Variants in APEX1 observed in about 807,000 individuals in gnomAD.
APEX1 encodes DNA repair nuclease/redox regulator APEX1.
In APEX1, 32 loss-of-function variants were observed where a neutral mutation model predicts 33.2. That is an observed-to-expected ratio of 0.96 (90% CI 0.73 to 1.29). The LOEUF is 1.29. Among genes scored for constraint, APEX1 ranks in the 50% most tolerant of loss-of-function variants. The probability of loss-of-function intolerance (pLI) is 0.00; values close to 1 mark genes in which losing one functional copy is unlikely to be tolerated. For missense variants in APEX1, 442 were observed against 395.6 expected, an observed-to-expected ratio of 1.12 and a Z score of -0.99; for synonymous variants, 175 against 156.6, an observed-to-expected ratio of 1.12 and a Z score of -0.88.
At position 20,455,979 on chromosome 14, in the gene APEX1, C is replaced by T. The variant is rs1322078170; in HGVS notation, c.124C>T (p.Pro42Ser). The change falls in exon 3 of 5, where the codon CCA (proline) becomes TCA (serine). Residue 42 changes from proline (P) to serine (S), a missense_variant. Physicochemically the swap from Pro to Ser is moderately conservative, Grantham distance 74 (BLOSUM62 -1). Transcript: ENST00000216714. ...TGACAAAGAGGCAGCAGGAGAGGGC[C>T]CAGCCCTGTATGAGGACCCCCCAGA... is the stretch of plus-strand genomic sequence containing the variant. The part of the protein sequence containing the change: ...KNDKEAAGEG[P>S]ALYEDPPDQK... The T allele has an allele frequency of 1.9e-6, 3 of 1,613,986 alleles. No individual in the cohort carries two copies. The highest frequency in any genetic ancestry group is 1.3e-5 in the African/African-American group (1 of 74,862).
rs1447700473 is a variant in APEX1, at chr14:20,455,940, G to C, written c.85G>C (p.Ala29Pro). 1.9e-6 allele frequency: 3 copies of C among 1,614,118 alleles called. No individual in the cohort carries two copies. Among genetic ancestry groups the C allele is most frequent in the Non-Finnish European group, 2.5e-6 (3 of 1,180,028 alleles). The change falls in exon 3 of 5, where the codon GCC (alanine) becomes CCC (proline). Residue 29 changes from alanine (A) to proline (P), a missense_variant. By Grantham distance (27) the Ala-to-Pro change is conservative (BLOSUM62 -1). Coordinates refer to ENST00000216714, the MANE Select transcript of APEX1 (RefSeq NM_001641.4). ...TEPEAKKSKT[A>P]AKKNDKEAAG... ...GCCAGAGGCCAAGAAGAGTAAGACGGCCGCAAAGAAAAATGACAAAGAGGC... is the reference window on the plus strand; with the variant it reads ...GCCAGAGGCCAAGAAGAGTAAGACGCCCGCAAAGAAAAATGACAAAGAGGC...
At position 20,456,792 on chromosome 14, in the gene APEX1, A is replaced by C; in HGVS notation, c.371A>C (p.Asp124Ala). ...CATCAATACTGGTCAGCTCCTTCGG[A>C]CAAGGAAGGGTACAGTGGCGTGGGC... ...LSHQYWSAPS[D>A]KEGYSGVGLL... Residue 124 changes from aspartate (D) to alanine (A), a missense_variant, in exon 4 of 5, where the codon GAC becomes GCC. Asp to Ala is a moderately radical substitution (Grantham distance 126). Coordinates refer to ENST00000216714, the MANE Select transcript of APEX1 (RefSeq NM_001641.4). 6.2e-7 allele frequency: 1 copy of C among 1,614,224 alleles called. No individual in the cohort carries two copies. Among genetic ancestry groups the C allele is most frequent in the Non-Finnish European group, 8.5e-7 (1 of 1,180,034 alleles).
intron 3 of APEX1, 152 bp from the exon 4 acceptor site, chr14:20,456,516 T>G (rs1594414142): frequency 1.6e-5 from 12 of 763,050 alleles, no homozygotes; most frequent in Middle Eastern, 3.6e-4. Flanking sequence ...TTTATCTAGC[T>G]TAGAATTGTT....
chr14:20,456,888 G>T, intron 4 of APEX1, 28 bp downstream of exon 4: 1 of 1,609,898 alleles, frequency 6.2e-7, no homozygotes, highest in African/African-American at 1.3e-5. Context: ...CCTAATGCCT[G>T]AACTCTTCAA....
chr14:20,455,569 C>G lies in APEX1; in HGVS notation c.-68-9C>G. 1 of 1,609,982 alleles carries G rather than the reference C, an allele frequency of 6.2e-7. No homozygotes were observed. The highest frequency in any genetic ancestry group is 8.5e-7 in the Non-Finnish European group (1 of 1,178,430). On this transcript the variant is annotated splice_polypyrimidine_tract_variant and intron_variant, in intron 1 of 4. Transcript: ENST00000216714. ...CTTAGCTGGTTTCATGATTTCTTTG[C>G]GTCTGTAGGCAACGCGGTAAAAATA...
rs374264849 is a variant in APEX1, at chr14:20,456,827, C to T, written c.406C>T (p.Arg136Cys). ...GTACAGTGGCGTGGGCCTGCTTTCC[C>T]GCCAGTGCCCACTCAAAGTTTCTTA... is the stretch of plus-strand genomic sequence containing the variant. ...EGYSGVGLLS[R>C]QCPLKVSYGI... Residue 136 changes from arginine to cysteine, a missense_variant, in exon 4 of 5, where the codon CGC becomes TGC. Arg to Cys is a radical substitution (Grantham distance 180, BLOSUM62 -3). Coordinates refer to ENST00000216714, the MANE Select transcript of APEX1 (RefSeq NM_001641.4). 11 of 1,614,056 alleles carry T rather than the reference C, an allele frequency of 6.8e-6. No individual in the cohort carries two copies. Among genetic ancestry groups the T allele is most frequent in the South Asian group, 3.3e-5 (3 of 91,084 alleles).
rs769913086 is a variant in APEX1 at position 20,456,772 on chromosome 14, A to G, written c.351A>G (p.Gln117=). Reference sequence around the variant, plus strand: ...AGGAGCTGCCTGGACTCTCTCATCAATACTGGTCAGCTCCTTCGGACAAGG... The same window carrying G: ...AGGAGCTGCCTGGACTCTCTCATCAGTACTGGTCAGCTCCTTCGGACAAGG... ...ELQELPGLSH[Q]YWSAPSDKEG... Residue 117 remains glutamine, a synonymous_variant, in exon 4 of 5, where the codon CAA becomes CAG. Transcript: ENST00000216714. 3 of 1,614,222 alleles carry G rather than the reference A, an allele frequency of 1.9e-6. No individual in the cohort carries two copies. The highest frequency in any genetic ancestry group is 2.5e-6 in the Non-Finnish European group (3 of 1,180,038).
At position 20,455,300 on chromosome 14, in the gene APEX1, T is replaced by C; in HGVS notation, c.-163T>C. 1 of 437,252 alleles carries C rather than the reference T, an allele frequency of 2.3e-6. No individual in the cohort carries two copies. The highest frequency in any genetic ancestry group is 4.2e-6 in the Non-Finnish European group (1 of 235,420). 27.1% of individuals were successfully genotyped at this position (437,252 alleles called of 1,614,324 possible). A position where few individuals can be genotyped will look rare whatever the true frequency, so the allele number is the denominator to read the frequency against. On this transcript the variant is annotated 5_prime_UTR_variant, in exon 1 of 5. Coordinates refer to ENST00000216714, the MANE Select transcript of APEX1 (RefSeq NM_001641.4). ...AGATACGGGGTTGCTCTTTTGCTCA[T>C]AAGAGGGGCTTCGCTGGCAGTCTGA...
rs200470580 is a variant in APEX1, at chr14:20,455,625, C to T, written c.-21C>T. 27 of 1,612,856 alleles carry T rather than the reference C, an allele frequency of 1.7e-5. No homozygotes were observed. In the East Asian group the frequency reaches 4.2e-4, roughly 25 times the overall value. ...TCGGTGGGTGACGCGGTACAGCTGCCCAAGGGCGTTCGTAACGGGAATGCC... is the reference window on the plus strand; with the variant it reads ...TCGGTGGGTGACGCGGTACAGCTGCTCAAGGGCGTTCGTAACGGGAATGCC... On this transcript the variant is annotated 5_prime_UTR_variant, in exon 2 of 5. Coordinates refer to ENST00000216714, the MANE Select transcript of APEX1 (RefSeq NM_001641.4).
chr14:20,456,665 C>A lies in APEX1; in HGVS notation c.247-3C>A, dbSNP rs548851630. On this transcript the variant is annotated splice_polypyrimidine_tract_variant and splice_region_variant and intron_variant, in intron 3 of 4. Transcript: ENST00000216714. ...CGTTTTCCACCTTTCTTTTCACTTA[C>A]AGTGGGTAAAGGAAGAAGCCCCAGA... 6.2e-7 allele frequency: 1 copy of A among 1,613,272 alleles called. No individual in the cohort carries two copies. Among genetic ancestry groups the A allele is most frequent in the Non-Finnish European group, 8.5e-7 (1 of 1,179,238 alleles).
At position 20,457,756 on chromosome 14, in the gene APEX1, G is replaced by A; in HGVS notation, c.*248G>A. On this transcript the variant is annotated 3_prime_UTR_variant, in exon 5 of 5. Transcript: ENST00000216714. The stretch of plus-strand genomic sequence containing the variant: ...TGAATTATCCACATGAAAATAAAGA[G>A]CCATAGTTTCAGCCTTGCTGTCTTC... The A allele has an allele frequency of 1.8e-6, 1 of 560,548 alleles. No homozygotes were observed. Among genetic ancestry groups the A allele is most frequent in the Non-Finnish European group, 3.1e-6 (1 of 319,264 alleles). 34.7% of individuals were successfully genotyped at this position (560,548 alleles called of 1,614,324 possible).
Position 20,455,700 on chromosome 14 carries a change from A to G in APEX1, c.55A>G (p.Thr19Ala). The change falls in exon 2 of 5, where the codon ACA (threonine) becomes GCA (alanine). Residue 19 changes from threonine (T) to alanine (A), a missense_variant. Physicochemically the swap from Thr to Ala is moderately conservative, Grantham distance 58. Transcript: ENST00000216714. ...GGCGGAAGACGGGGATGAGCTCAGG[A>G]CAGGTAAGGGAATGAAATCAGCCCT... is the stretch of plus-strand genomic sequence containing the variant. Reference protein sequence around the residue: ...AVAEDGDELRTEPEAKKSKTA... With the variant: ...AVAEDGDELRAEPEAKKSKTA... 1.9e-6 allele frequency: 3 copies of G among 1,614,206 alleles called. No homozygotes were observed. Among genetic ancestry groups the G allele is most frequent in the South Asian group, 1.1e-5 (1 of 91,088 alleles).
chr14:20,456,558 A>T, intron 3 of APEX1, 110 bp from the exon 4 acceptor site: 1 of 1,044,798 alleles, frequency 9.6e-7, no homozygotes, highest in African/African-American at 1.6e-5. Flanking sequence ...CGAACTCCTT[A>T]GGCCAAGAGA....
chr14:20,455,293 T>C lies in APEX1; in HGVS notation c.-170T>C. The C allele has an allele frequency of 2.3e-6, 1 of 427,194 alleles. No homozygotes were observed. Among genetic ancestry groups the C allele is most frequent in the Non-Finnish European group, 4.4e-6 (1 of 229,810 alleles). 26.5% of individuals were successfully genotyped at this position (427,194 alleles called of 1,614,324 possible). On this transcript the variant is annotated 5_prime_UTR_variant, in exon 1 of 5. Coordinates refer to ENST00000216714, the MANE Select transcript of APEX1 (RefSeq NM_001641.4). ...CCGGTGCAGATACGGGGTTGCTCTT[T>C]TGCTCATAAGAGGGGCTTCGCTGGC...
In APEX1 at chr14:20,456,096, T is replaced by A; in HGVS notation, c.241T>A (p.Leu81Ile). Residue 81 changes from leucine (L) to isoleucine (I), a missense_variant, in exon 3 of 5, where the codon TTA becomes ATA. Coordinates refer to ENST00000216714, the MANE Select transcript of APEX1 (RefSeq NM_001641.4). ...GLRAWIKKKG[L>I]DWVKEEAPDI... Reference sequence around the variant, plus strand: ...TCGAGCCTGGATTAAGAAGAAAGGATTAGATGTGAGTGGAATTTGAGGGAA... The same window carrying A: ...TCGAGCCTGGATTAAGAAGAAAGGAATAGATGTGAGTGGAATTTGAGGGAA... 2 of 1,614,132 alleles carry A rather than the reference T, an allele frequency of 1.2e-6. No homozygotes were observed. Among genetic ancestry groups the A allele is most frequent in the Non-Finnish European group, 1.7e-6 (2 of 1,179,988 alleles).
rs1211881971 is a variant in APEX1 at position 20,456,211 on chromosome 14, G to T, written c.246+110G>T. ...AGGCTGTTTTATTTTTCTCCTGCCC[G>T]TAGTTTTCTGTGGGGCTTCCCCAGT... is the stretch of plus-strand genomic sequence containing the variant. On this transcript the variant is annotated intron_variant, in intron 3 of 4. Transcript: ENST00000216714. The T allele has an allele frequency of 3.2e-6, 4 of 1,253,370 alleles. No homozygotes were observed. In the Admixed American group the frequency reaches 7.7e-5, roughly 24 times the overall value. The allele number at this position is 1,253,370 out of a possible 1,614,324, so 77.6% of individuals were successfully genotyped here.
At position 20,457,214 on chromosome 14, in the gene APEX1, C is replaced by A; in HGVS notation, c.663C>A (p.Arg221=). ...TGGCACATGAAGAAATTGACCTTCGCAACCCCAAGGGGAACAAAAAGAATG... is the reference window on the plus strand; with the variant it reads ...TGGCACATGAAGAAATTGACCTTCGAAACCCCAAGGGGAACAAAAAGAATG... ...LNVAHEEIDL[R]NPKGNKKNAG... is the part of the protein sequence containing the mutation. The change falls in exon 5 of 5, where the codon CGC becomes CGA. Residue 221 remains arginine (R), a synonymous_variant. Coordinates refer to ENST00000216714, the MANE Select transcript of APEX1 (RefSeq NM_001641.4). The A allele has an allele frequency of 6.2e-7, 1 of 1,614,232 alleles. No individual in the cohort carries two copies. Among genetic ancestry groups the A allele is most frequent in the Non-Finnish European group, 8.5e-7 (1 of 1,180,046 alleles).
intron 2 of APEX1, 37 bp from the exon 3 acceptor site, chr14:20,455,877 A>G (rs774424524): frequency 1.9e-6 from 3 of 1,613,752 alleles, no homozygotes; most frequent in South Asian, 1.1e-5. Context: ...GTTGGAAACC[A>G]CCAGCTTTTT....
intron 2 of APEX1, 94 bp from the exon 3 acceptor site, chr14:20,455,820 C>T (rs746538801): frequency 1.1e-4 from 178 of 1,613,602 alleles, no homozygotes; most frequent in Non-Finnish European, 1.4e-4. Flanking sequence ...GAAGAAGTCG[C>T]AGGAACCGTA....
Sources: gnomAD v4.1 joint callset for allele counts on GRCh38, gnomAD v4.1.1 for gene constraint, MANE v1.5 for transcripts, NCBI Gene and HGNC (gene_info 2026-07-23, HGNC 2026-07-21) for gene names.